The following LSAMP variants were observed in gnomAD, a reference collection of about 807,000 sequenced individuals.
LSAMP encodes the protein limbic system associated membrane protein.
A neutral mutation model predicts 38.6 loss-of-function variants in LSAMP; 7 were observed. The observed-to-expected ratio is 0.18, with a 90% CI of 0.10 to 0.34. The LOEUF is 0.34. Among genes scored for constraint, LSAMP ranks in the 10% least tolerant of loss-of-function variants. The pLI, the probability that LSAMP is intolerant of heterozygous loss-of-function variation, is 1.00. For missense variants in LSAMP, 313 were observed against 420.0 expected, an observed-to-expected ratio of 0.75 and a Z score of 2.23; for synonymous variants, 154 against 166.8, an observed-to-expected ratio of 0.92 and a Z score of 0.59.
chr3:115,970,542 T>C (rs1331482908), intron 3 of LSAMP, among the ~76,000 whole-genome samples: 2 of 152,184 alleles, frequency 1.3e-5, no homozygotes, highest in Non-Finnish European at 2.9e-5. Context: ...TTCATGCCCT[T>C]GGACCTTAGT....
chr3:116,261,070 C>T (rs1334492226), intron 1 of LSAMP, among the ~76,000 whole-genome samples: 1 of 152,148 alleles, frequency 6.6e-6, no homozygotes, highest in Non-Finnish European at 1.5e-5. Flanking sequence ...CCACATACAC[C>T]TTGGTATCAC....
chr3:116,277,530 T>C (rs1664737963), intron 1 of LSAMP, among the ~76,000 whole-genome samples: 1 of 151,768 alleles, frequency 6.6e-6, no homozygotes, highest in African/African-American at 2.4e-5. Context: ...CCACCACGCC[T>C]GGCTAATTTT....
At chr3:116,373,665 A>T (rs1424800576) in intron 1 of LSAMP, among the ~76,000 whole-genome samples, 1 of 151,932 alleles carries the variant, frequency 6.6e-6, no homozygotes, top group Non-Finnish European at 1.5e-5. Context: ...GCCCAGACCT[A>T]CCAAAATGAT....
At chr3:116,178,127 G>A (rs1272555425) in intron 1 of LSAMP, among the ~76,000 whole-genome samples, 1 of 151,796 alleles carries the variant, frequency 6.6e-6, no homozygotes, top group Non-Finnish European at 1.5e-5. Flanking sequence ...GTGTACATGT[G>A]TGCTTGCACA....
At chr3:116,250,976 T>A (rs188515718) in intron 1 of LSAMP, among the ~76,000 whole-genome samples, 2 of 152,312 alleles carry the variant, frequency 1.3e-5, no homozygotes, top group Admixed American at 6.5e-5. Context: ...CAGGACAAAC[T>A]GTTTCTGCAA....
intron 1 of LSAMP, among the ~76,000 whole-genome samples, chr3:116,298,896 A>C (rs1377217798): frequency 1.3e-5 from 2 of 152,200 alleles, no homozygotes; most frequent in African/African-American, 4.8e-5. Context: ...AGAGGTTTTC[A>C]AAATTGAGCA....
At chr3:115,919,705 G>A (rs1370684912) in intron 3 of LSAMP, among the ~76,000 whole-genome samples, 5 of 152,068 alleles carry the variant, frequency 3.3e-5, no homozygotes, top group African/African-American at 1.2e-4. Context: ...TCTGTCTCCC[G>A]GGTTCAAGTG....
At chr3:116,355,496 A>T (rs897189098) in intron 1 of LSAMP, among the ~76,000 whole-genome samples, 5 of 152,212 alleles carry the variant, frequency 3.3e-5, no homozygotes, top group African/African-American at 1.2e-4. Context: ...TAAAGAAAAC[A>T]TTGGATAAAC....
At chr3:115,834,664 TTTAG>T in intron 6 of LSAMP, 3 of 803,136 alleles carry the variant, frequency 3.7e-6, no homozygotes, top group Non-Finnish European at 4.8e-6. Flanking sequence ...CTTTCTCATG[TTTAG>T]TTATTCAAAC....
At chr3:116,007,811 AG>A (rs1467698594) in intron 3 of LSAMP, among the ~76,000 whole-genome samples, 1 of 152,146 alleles carries the variant, frequency 6.6e-6, no homozygotes, top group African/African-American at 2.4e-5. Context: ...TCTCTAGTGC[AG>A]GGGTTCTGTA....
chr3:116,016,603 C>T (rs1001190866), intron 3 of LSAMP, among the ~76,000 whole-genome samples: 1 of 152,024 alleles, frequency 6.6e-6, no homozygotes, highest in African/African-American at 2.4e-5. Flanking sequence ...TGTAAAGGGC[C>T]TAATAGAAAA....
chr3:116,323,526 C>G (rs895751312), intron 1 of LSAMP, among the ~76,000 whole-genome samples: 1 of 152,066 alleles, frequency 6.6e-6, no homozygotes, highest in Non-Finnish European at 1.5e-5. Context: ...ATTTTTTCAA[C>G]CTCTCTATCC....
intron 1 of LSAMP, among the ~76,000 whole-genome samples, chr3:116,277,461 C>A (rs116656049): frequency 0.043 from 6,581 of 152,032 alleles, 466 homozygotes; most frequent in African/African-American, 0.14. Context: ...CTCCGTCTCC[C>A]AGGTGCACGC....
intron 1 of LSAMP, among the ~76,000 whole-genome samples, chr3:116,182,917 TGA>T (rs1025172085): frequency 6.6e-6 from 1 of 151,900 alleles, no homozygotes; most frequent in Non-Finnish European, 1.5e-5. Flanking sequence ...GTAGATTTGC[TGA>T]GAGATATCTG....
At chr3:115,936,527 A>G (rs994003767) in intron 3 of LSAMP, among the ~76,000 whole-genome samples, 11 of 152,138 alleles carry the variant, frequency 7.2e-5, no homozygotes, top group Admixed American at 6.5e-4. Flanking sequence ...TCTGGGAGTA[A>G]TGCTAGAAGG....
intron 1 of LSAMP, among the ~76,000 whole-genome samples, chr3:116,395,931 G>A (rs1000219817): frequency 6.6e-6 from 1 of 152,094 alleles, no homozygotes; most frequent in Admixed American, 6.6e-5. Flanking sequence ...GGACAGAAGT[G>A]TGAACTCAAG....
At chr3:116,057,957 CCA>C (rs61123270) in intron 2 of LSAMP, among the ~76,000 whole-genome samples, 1,518 of 117,338 alleles carry the variant, frequency 0.013, 28 homozygotes, top group African/African-American at 0.038. Context: ...ACACACACAC[CCA>C]CACACACACA....
At chr3:116,240,295 C>T (rs937118625) in intron 1 of LSAMP, among the ~76,000 whole-genome samples, 5 of 152,114 alleles carry the variant, frequency 3.3e-5, no homozygotes, top group Admixed American at 6.5e-5. Context: ...AGATGGCAGA[C>T]TTTAGTGAGA....
At chr3:116,347,005 AT>A (rs1485479292) in intron 1 of LSAMP, among the ~76,000 whole-genome samples, 12 of 152,206 alleles carry the variant, frequency 7.9e-5, no homozygotes, top group African/African-American at 2.9e-4. Context: ...ATTTTGAAAA[AT>A]ATACAAATGA....
Sources: allele counts gnomAD v4.1 joint callset (sites outside exome capture counted in the v4.1 genomes callset), GRCh38; gene constraint gnomAD v4.1.1; transcripts MANE v1.5; gene names NCBI Gene and HGNC (gene_info 2026-07-23, HGNC 2026-07-21).